TRABD2A: variants seen among roughly 807,000 people sequenced by gnomAD.
The protein encoded by TRABD2A is metalloprotease TIKI1.
In TRABD2A, 43 loss-of-function variants were observed where a neutral mutation model predicts 45.6. The observed-to-expected ratio is 0.94, with a 90% CI of 0.74 to 1.22. The LOEUF (loss-of-function observed/expected upper bound fraction) is 1.22. Among genes scored for constraint, TRABD2A ranks in the 50% most tolerant of loss-of-function variants. The pLI is 0.00. For missense variants in TRABD2A, 642 were observed against 652.4 expected (o/e 0.98, Z 0.17); for synonymous variants, 269 against 265.0 (o/e 1.02, Z -0.15).
At chr2:84,868,238 T>C (rs1682746509) in intron 2 of TRABD2A, among the ~76,000 whole-genome samples, 1 of 152,170 alleles carries the variant, frequency 6.6e-6, no homozygotes, top group African/African-American at 2.4e-5. Flanking sequence ...CATATACGCC[T>C]TGGAATACTA....
chr2:84,866,227 T>C (rs1276987547), intron 2 of TRABD2A, among the ~76,000 whole-genome samples: 3 of 152,196 alleles, frequency 2.0e-5, no homozygotes, highest in Admixed American at 6.5e-5. Flanking sequence ...AAGACAATAT[T>C]GGCCACATCT....
intron 2 of TRABD2A, among the ~76,000 whole-genome samples, chr2:84,858,656 T>G (rs7593714): frequency 4.9e-4 from 74 of 152,250 alleles, no homozygotes; most frequent in African/African-American, 1.8e-3. Context: ...ACCAAGGGCC[T>G]CGGGGCAGCC....
chr2:84,879,404 A>G (rs1042591475), intron 1 of TRABD2A, among the ~76,000 whole-genome samples: 1 of 151,644 alleles, frequency 6.6e-6, no homozygotes, highest in African/African-American at 2.4e-5. Context: ...CTGGTCTGCA[A>G]CTCCTGGGCT....
At chr2:84,853,987 T>C (rs1327298166) in intron 2 of TRABD2A, among the ~76,000 whole-genome samples, 1 of 151,926 alleles carries the variant, frequency 6.6e-6, no homozygotes, top group Non-Finnish European at 1.5e-5. Context: ...CCCACTGCAC[T>C]CCTGCCTGGG....
intron 2 of TRABD2A, among the ~76,000 whole-genome samples, chr2:84,868,846 C>G (rs1022838555): frequency 1.3e-5 from 2 of 152,120 alleles, no homozygotes; most frequent in Non-Finnish European, 2.9e-5. Flanking sequence ...AATCAATAAG[C>G]CTTCAAATCA....
In TRABD2A at chr2:84,845,020, C is replaced by T. The variant is rs533051594; in HGVS notation, c.670-3013G>A. Reference sequence around the variant, plus strand: ...TGTAACAGACATGTCAGTCTGCAAACTGGGGCAGACTGTGTATGGGCCACA... The same window carrying T: ...TGTAACAGACATGTCAGTCTGCAAATTGGGGCAGACTGTGTATGGGCCACA... On this transcript the variant is annotated intron_variant, in intron 2 of 6. Coordinates refer to ENST00000409520, the MANE Select transcript of TRABD2A (RefSeq NM_001277053.2). Among the ~76,000 whole-genome samples, 14 of 152,328 alleles carry T rather than the reference C, an allele frequency of 9.2e-5. 1 individual carries two copies. In the South Asian group the frequency reaches 2.9e-3, roughly 32 times the overall value.
At chr2:84,847,364 G>A (rs1423225515) in intron 2 of TRABD2A, among the ~76,000 whole-genome samples, 1 of 152,156 alleles carries the variant, frequency 6.6e-6, no homozygotes, top group Non-Finnish European at 1.5e-5. Flanking sequence ...AACAAATTTG[G>A]GGTTTCAGGA....
At chr2:84,823,201 C>A (rs1225343902) in intron 6 of TRABD2A, among the ~76,000 whole-genome samples, 1 of 152,122 alleles carries the variant, frequency 6.6e-6, no homozygotes, top group Non-Finnish European at 1.5e-5. Context: ...TAAGTAGTAA[C>A]CTCCAACACA....
At chr2:84,879,707 A>G (rs111310427) in intron 1 of TRABD2A, 2 of 646,682 alleles carry the variant, frequency 3.1e-6, no homozygotes, top group Non-Finnish European at 3.8e-6. Context: ...ACACCGCAAC[A>G]GAGTTTGAAA....
At chr2:84,879,803 A>G (rs187396840) in intron 1 of TRABD2A, among the ~76,000 whole-genome samples, 1 of 152,218 alleles carries the variant, frequency 6.6e-6, no homozygotes, top group East Asian at 1.9e-4. Context: ...CGCCTTACAG[A>G]GGCGAACACC....
intron 3 of TRABD2A, among the ~76,000 whole-genome samples, chr2:84,840,491 C>A (rs902529921): frequency 6.6e-6 from 1 of 152,236 alleles, no homozygotes. Flanking sequence ...CTGGCCCTCA[C>A]TCACAGTGAC....
At chr2:84,874,970 G>T in intron 1 of TRABD2A, 2 of 165,490 alleles carry the variant, frequency 1.2e-5, no homozygotes, top group East Asian at 1.7e-4. Context: ...TCTTTAGCCA[G>T]AGAACTTTCT....
Position 84,841,901 on chromosome 2 carries a change from C to T in TRABD2A, c.776G>A (p.Gly259Glu). 6.5e-7 allele frequency: 1 copy of T among 1,547,020 alleles called. No individual in the cohort carries two copies. The highest frequency in any genetic ancestry group is 8.7e-7 in the Non-Finnish European group (1 of 1,145,862). The change falls in exon 3 of 7, where the codon GGG becomes GAG. Residue 259 changes from glycine (G) to glutamate (E), a missense_variant. By Grantham distance (98) the Gly-to-Glu change is moderately conservative. Coordinates refer to ENST00000409520, the MANE Select transcript of TRABD2A (RefSeq NM_001277053.2). ...GCTGAGGATGACGGAGCTGAGGTCC[C>T]CGCAGTTATAGTGTTTGATGAGATC... ...TEDLIKHYNC[G>E]DLSSVILSHD...
chr2:84,833,417 T>C (rs1003882199), intron 4 of TRABD2A: 4 of 152,182 alleles, frequency 2.6e-5, no homozygotes. Flanking sequence ...TTAGAACAAG[T>C]GATTATAGTT....
At chr2:84,854,498 G>T (rs981521615) in intron 2 of TRABD2A, among the ~76,000 whole-genome samples, 3 of 152,168 alleles carry the variant, frequency 2.0e-5, no homozygotes, top group African/African-American at 4.8e-5. Flanking sequence ...GACTCAGAAA[G>T]GTTCAATATC....
rs544052281 is a variant in TRABD2A, at chr2:84,862,816, G to A, written c.669+7409C>T. ...AAGTCCTGAGCAGGCCTGTGCCCAG[G>A]GGGAAGCAGAGCTAAAGTCTGCACC... On this transcript the variant is annotated intron_variant, in intron 2 of 6. Transcript: ENST00000409520. 3.3e-5 allele frequency among the ~76,000 whole-genome samples: 5 copies of A among 152,254 alleles called. No individual in the cohort carries two copies. The South Asian group carries it at 1.0e-3, about 32-fold the overall frequency.
At chr2:84,871,525 A>G (rs557612183) in intron 1 of TRABD2A, among the ~76,000 whole-genome samples, 1 of 151,486 alleles carries the variant, frequency 6.6e-6, no homozygotes, top group South Asian at 2.1e-4. Flanking sequence ...TCTGTTGCCC[A>G]GGCTGGAGTG....
At chr2:84,862,056 GCTACACC>G (rs1682518518) in intron 2 of TRABD2A, among the ~76,000 whole-genome samples, 1 of 152,198 alleles carries the variant, frequency 6.6e-6, no homozygotes, top group South Asian at 2.1e-4. Flanking sequence ...ATGACGTGAT[GCTACACC>G]ACCAGTAACC....
At chr2:84,874,230 G>A (rs1215796886) in intron 1 of TRABD2A, among the ~76,000 whole-genome samples, 1 of 152,154 alleles carries the variant, frequency 6.6e-6, no homozygotes, top group African/African-American at 2.4e-5. Context: ...TAAGGTCACT[G>A]TATGATCTTT....
Sources: gnomAD v4.1 joint callset for allele counts (sites outside exome capture counted in the v4.1 genomes callset) on GRCh38, gnomAD v4.1.1 for gene constraint, MANE v1.5 for transcripts, NCBI Gene and HGNC (gene_info 2026-07-23, HGNC 2026-07-21) for gene names.